Variants in CTNNA2 observed in about 807,000 individuals in gnomAD.
The protein encoded by CTNNA2 is catenin alpha 2.
CTNNA2 carries 42 observed loss-of-function variants against 101.0 expected under a neutral mutation model. That is an observed-to-expected ratio of 0.42 (90% CI 0.32 to 0.54). CTNNA2 has a LOEUF of 0.54. Among genes scored for constraint, CTNNA2 ranks in the 20% least tolerant of loss-of-function variants. CTNNA2 has a pLI of 0.14. For missense variants in CTNNA2, 871 were observed against 1,223.1 expected (o/e 0.71, Z 4.29); for synonymous variants, 450 against 456.4 (o/e 0.99, Z 0.18).
chr2:79,894,321 T>C (rs1684542802), intron 6 of CTNNA2, among the ~76,000 whole-genome samples: 1 of 151,962 alleles, frequency 6.6e-6, no homozygotes, highest in African/African-American at 2.4e-5. Flanking sequence ...CCTAACTGGT[T>C]GCCCTGCCCC....
chr2:79,542,918 T>C (rs1673508130), intron 1 of CTNNA2, among the ~76,000 whole-genome samples: 2 of 152,186 alleles, frequency 1.3e-5, no homozygotes, highest in African/African-American at 4.8e-5. Flanking sequence ...TATCAACTTA[T>C]GAGAATATGG....
intron 3 of CTNNA2, among the ~76,000 whole-genome samples, chr2:79,361,949 C>T (rs891753974): frequency 6.6e-6 from 1 of 152,162 alleles, no homozygotes; most frequent in African/African-American, 2.4e-5. Flanking sequence ...TATTAATCTC[C>T]TTTGGCAACA....
intron 2 of CTNNA2, among the ~76,000 whole-genome samples, chr2:79,285,360 G>T (rs753045881): frequency 5.2e-4 from 78 of 149,538 alleles, no homozygotes; most frequent in Non-Finnish European, 9.6e-4. Context: ...TGTCAATTTT[G>T]GATCTTTCCT....
intron 7 of CTNNA2, among the ~76,000 whole-genome samples, chr2:80,109,796 A>AG (rs984867041): frequency 2.0e-5 from 3 of 152,108 alleles, no homozygotes; most frequent in Admixed American, 2.0e-4. Flanking sequence ...GCCAACTCCC[A>AG]GGGCTCTCCT....
At chr2:79,902,366 C>A (rs1242466457) in intron 6 of CTNNA2, among the ~76,000 whole-genome samples, 1 of 152,140 alleles carries the variant, frequency 6.6e-6, no homozygotes, top group East Asian at 1.9e-4. Context: ...CTTGCTACAT[C>A]TACTTGACAT....
chr2:79,939,320 G>A (rs534634773), intron 7 of CTNNA2, among the ~76,000 whole-genome samples: 2 of 152,204 alleles, frequency 1.3e-5, no homozygotes, highest in Non-Finnish European at 2.9e-5. Flanking sequence ...AACTTTCTGT[G>A]TAAGTCTGTT....
intron 2 of CTNNA2, among the ~76,000 whole-genome samples, chr2:79,724,281 A>G (rs1686674013): frequency 6.6e-6 from 1 of 151,684 alleles, no homozygotes; most frequent in Non-Finnish European, 1.5e-5. Flanking sequence ...AAAAAACAAT[A>G]CAAAACAAAA....
At chr2:80,230,782 G>C (rs1709164525) in intron 7 of CTNNA2, among the ~76,000 whole-genome samples, 1 of 152,110 alleles carries the variant, frequency 6.6e-6, no homozygotes, top group Admixed American at 6.5e-5. Context: ...CAAAACTGGA[G>C]CTACTAGGTA....
intron 7 of CTNNA2, among the ~76,000 whole-genome samples, chr2:80,129,051 G>C (rs1393423473): frequency 6.6e-6 from 1 of 152,166 alleles, no homozygotes; most frequent in Non-Finnish European, 1.5e-5. Flanking sequence ...GTCAGTTCAT[G>C]CCAAGATATG....
At chr2:79,265,062 C>A (rs1674971679) in intron 2 of CTNNA2, among the ~76,000 whole-genome samples, 1 of 152,096 alleles carries the variant, frequency 6.6e-6, no homozygotes, top group African/African-American at 2.4e-5. Context: ...AGCCTCTCAT[C>A]CATATTAACA....
At chr2:80,313,729 A>G (rs1677831104) in intron 7 of CTNNA2, 2 of 1,101,636 alleles carry the variant, frequency 1.8e-6, no homozygotes, top group African/African-American at 3.1e-5. Context: ...TAGAAATATG[A>G]TTTCCAAAAT....
At chr2:79,860,547 T>TTTTTTG (rs2103965427) in intron 4 of CTNNA2, among the ~76,000 whole-genome samples, 1 of 14,262 alleles carries the variant, frequency 7.0e-5, no homozygotes, top group Non-Finnish European at 1.5e-4. Flanking sequence ...GTAAGGGAAG[T>TTTTTTG]TTTTTTTTTT....
At chr2:80,194,584 T>C (rs1706718854) in intron 7 of CTNNA2, among the ~76,000 whole-genome samples, 1 of 151,724 alleles carries the variant, frequency 6.6e-6, no homozygotes, top group African/African-American at 2.4e-5. Context: ...ATATATAGTT[T>C]CTATTATAGC....
At chr2:80,451,025 A>C (rs1000524094) in intron 9 of CTNNA2, among the ~76,000 whole-genome samples, 10 of 151,828 alleles carry the variant, frequency 6.6e-5, no homozygotes, top group African/African-American at 2.4e-4. Flanking sequence ...TGGAAGAAAT[A>C]TATACATACA....
In CTNNA2 at chr2:79,701,997, CAAAAAA is replaced by C. The variant is rs58716617; in HGVS notation, c.103-42370_103-42365del. Among the ~76,000 whole-genome samples, 361 of 75,440 alleles carry C rather than the reference CAAAAAA, an allele frequency of 4.8e-3. 1 individual carries two copies. Among genetic ancestry groups the C allele is most frequent in the South Asian group, 0.013 (26 of 1,998 alleles). 49.5% of individuals were successfully genotyped at this position (75,440 alleles called of 152,430 possible). ...AGCCTGGGAGAGCGAGACTCTGTCT[CAAAAAA>C]AAAAAAAAAAAAAAAAAAAGACTGA... On this transcript the variant is annotated intron_variant, in intron 2 of 18. Transcript: ENST00000402739.
intron 2 of CTNNA2, among the ~76,000 whole-genome samples, chr2:79,705,023 A>G (rs1048158840): frequency 3.3e-5 from 5 of 152,162 alleles, no homozygotes; most frequent in African/African-American, 1.2e-4. Context: ...GACATTTGTC[A>G]ATGTCTAGTA....
At chr2:80,367,749 G>A (rs1675069148) in intron 7 of CTNNA2, among the ~76,000 whole-genome samples, 1 of 152,026 alleles carries the variant, frequency 6.6e-6, no homozygotes, top group East Asian at 1.9e-4. Flanking sequence ...AAAGAGGTAA[G>A]TATTCAATAT....
chr2:79,610,249 C>T (rs11890136), intron 1 of CTNNA2, among the ~76,000 whole-genome samples: 19,721 of 151,956 alleles, frequency 0.13, 2,108 homozygotes, highest in African/African-American at 0.3. Context: ...AAAATTAAAC[C>T]GATTCAACTG....
intron 7 of CTNNA2, among the ~76,000 whole-genome samples, chr2:80,296,961 C>A (rs761788989): frequency 3.9e-5 from 6 of 152,166 alleles, no homozygotes; most frequent in Non-Finnish European, 5.9e-5. Context: ...GCAGATAAAT[C>A]CCTGACAATA....
Sources: allele counts gnomAD v4.1 joint callset (sites outside exome capture counted in the v4.1 genomes callset), GRCh38; gene constraint gnomAD v4.1.1; transcripts MANE v1.5; gene names NCBI Gene and HGNC (gene_info 2026-07-23, HGNC 2026-07-21).